ADAMTSL3: variants seen among roughly 807,000 people sequenced by gnomAD.
The protein encoded by ADAMTSL3 is ADAMTS like 3.
In ADAMTSL3, 128 loss-of-function variants were observed where a neutral mutation model predicts 201.7. The ratio of observed to expected loss-of-function variants is 0.63; its 90% CI spans 0.55 to 0.73. The LOEUF (loss-of-function observed/expected upper bound fraction) is 0.73. Among genes scored for constraint, ADAMTSL3 ranks in the 30% least tolerant of loss-of-function variants. ADAMTSL3 has a pLI of 0.00. For synonymous variants in ADAMTSL3, 738 were observed against 748.4 expected, an observed-to-expected ratio of 0.99 and a Z score of 0.23; for missense variants, 1,990 against 2,119.6, an observed-to-expected ratio of 0.94 and a Z score of 1.20.
chr15:83,773,681 T>G (rs1463559123), intron 4 of ADAMTSL3, 31 bp downstream of exon 4: 1 of 1,598,670 alleles, frequency 6.3e-7, no homozygotes, highest in Admixed American at 1.8e-5. Context: ...CTCCTGCATG[T>G]GGAATGTGCC....
chr15:83,672,119 T>C (rs1479552230), intron 2 of ADAMTSL3, among the ~76,000 whole-genome samples: 1 of 152,174 alleles, frequency 6.6e-6, no homozygotes, highest in African/African-American at 2.4e-5. Context: ...TTTTAAACCC[T>C]GTCACCCTTA....
intron 2 of ADAMTSL3, among the ~76,000 whole-genome samples, chr15:83,656,571 G>T (rs2061087129): frequency 6.6e-6 from 1 of 152,308 alleles, no homozygotes; most frequent in East Asian, 1.9e-4. Context: ...AGTTTTTAAA[G>T]TATTGAAAGG....
In ADAMTSL3 at chr15:83,850,850, G is replaced by A. The variant is rs182328470; in HGVS notation, c.728-7916G>A. On this transcript the variant is annotated intron_variant, in intron 7 of 29. Transcript: ENST00000286744. ...TTCTGGTCAGACCTAGAACTGGGCC[G>A]TCTCTTGCAGGACAGTGAAGAAATG... 9.8e-5 allele frequency among the ~76,000 whole-genome samples: 15 copies of A among 152,292 alleles called. No individual in the cohort carries two copies. The East Asian group carries it at 1.5e-3, about 16-fold the overall frequency.
chr15:83,969,001 CAG>C (rs1012989300), intron 19 of ADAMTSL3, among the ~76,000 whole-genome samples: 18 of 151,842 alleles, frequency 1.2e-4, no homozygotes, highest in African/African-American at 2.2e-4. Flanking sequence ...TGGGGCCTGT[CAG>C]GGGGTGGGGG....
At position 83,837,028 on chromosome 15, in the gene ADAMTSL3, AC is replaced by A. The variant is rs2064285840; in HGVS notation, c.601-1059del. 3.3e-5 allele frequency among the ~76,000 whole-genome samples: 5 copies of A among 152,158 alleles called. No homozygotes were observed. In the South Asian group the frequency reaches 1.0e-3, roughly 31 times the overall value. ...AAATAAAAAAGAAATATAAGACATGACCTTTTTTCTCATATAAGGAAGCTTA... is the reference window on the plus strand; with the variant it reads ...AAATAAAAAAGAAATATAAGACATGACTTTTTTCTCATATAAGGAAGCTTA... On this transcript the variant is annotated intron_variant, in intron 6 of 29. Coordinates refer to ENST00000286744, the MANE Select transcript of ADAMTSL3 (RefSeq NM_207517.3).
intron 19 of ADAMTSL3, among the ~76,000 whole-genome samples, chr15:83,951,649 C>T (rs893515689): frequency 4.6e-5 from 7 of 152,036 alleles, no homozygotes; most frequent in Admixed American, 2.0e-4. Flanking sequence ...TCAGGCTTTT[C>T]TTTACTGGGA....
intron 16 of ADAMTSL3, among the ~76,000 whole-genome samples, chr15:83,922,985 A>AT (rs963045116): frequency 5.9e-5 from 9 of 151,984 alleles, no homozygotes; most frequent in Admixed American, 2.0e-4. Context: ...TTTTCCAATA[A>AT]TTTTTTTTGT....
chr15:83,847,197 A>G (rs2064516349), intron 7 of ADAMTSL3, among the ~76,000 whole-genome samples: 1 of 152,228 alleles, frequency 6.6e-6, no homozygotes, highest in Non-Finnish European at 1.5e-5. Flanking sequence ...TCAACAAGGC[A>G]AAGCTCTGCT....
chr15:83,935,566 T>G (rs1249406830), intron 17 of ADAMTSL3, among the ~76,000 whole-genome samples: 1 of 151,794 alleles, frequency 6.6e-6, no homozygotes, highest in Non-Finnish European at 1.5e-5. Flanking sequence ...AAATACACAC[T>G]CAGATACATT....
intron 2 of ADAMTSL3, among the ~76,000 whole-genome samples, chr15:83,693,556 C>A (rs2061641099): frequency 6.6e-6 from 1 of 152,128 alleles, no homozygotes; most frequent in African/African-American, 2.4e-5. Context: ...ATGGCAAGAT[C>A]CAACTTGTCA....
At chr15:83,869,969 C>T in intron 8 of ADAMTSL3, among the ~76,000 whole-genome samples, 1 of 152,006 alleles carries the variant, frequency 6.6e-6, no homozygotes, top group Non-Finnish European at 1.5e-5. Context: ...GAAACCAGAT[C>T]TACTAAGTGT....
chr15:83,761,754 T>C (rs928077616), intron 3 of ADAMTSL3, among the ~76,000 whole-genome samples: 2 of 152,192 alleles, frequency 1.3e-5, no homozygotes. Context: ...TGTTTAAGAA[T>C]TTATTTTTAA....
At chr15:83,894,592 T>C (rs1327843559) in intron 13 of ADAMTSL3, among the ~76,000 whole-genome samples, 1 of 152,184 alleles carries the variant, frequency 6.6e-6, no homozygotes, top group African/African-American at 2.4e-5. Flanking sequence ...AGCATATTTC[T>C]CCCTTTGAAC....
intron 19 of ADAMTSL3, among the ~76,000 whole-genome samples, chr15:83,965,942 A>G (rs1390011451): frequency 6.6e-6 from 1 of 152,212 alleles, no homozygotes; most frequent in East Asian, 1.9e-4. Context: ...TACTGGGTGA[A>G]TAACAAAATT....
In ADAMTSL3 at chr15:83,851,942, A is replaced by T. The variant is rs575485033; in HGVS notation, c.728-6824A>T. 2.0e-5 allele frequency among the ~76,000 whole-genome samples: 3 copies of T among 152,328 alleles called. No homozygotes were observed. In the South Asian group the frequency reaches 6.2e-4, roughly 32 times the overall value. ...TCCACTTTTTAGAGGTCTAAACAGG[A>T]TGAATGGTTGCTTCTATTAAGATAT... On this transcript the variant is annotated intron_variant, in intron 7 of 29. Coordinates refer to ENST00000286744, the MANE Select transcript of ADAMTSL3 (RefSeq NM_207517.3).
chr15:83,769,791 T>TC (rs916050687), intron 3 of ADAMTSL3, among the ~76,000 whole-genome samples: 2 of 151,684 alleles, frequency 1.3e-5, no homozygotes, highest in African/African-American at 4.8e-5. Context: ...TTTTTCTTTT[T>TC]TTTTTTTTTT....
chr15:83,906,723 T>A (rs931397638), intron 15 of ADAMTSL3, among the ~76,000 whole-genome samples: 3 of 151,816 alleles, frequency 2.0e-5, no homozygotes, highest in African/African-American at 7.3e-5. Context: ...TTTTCCAAAA[T>A]TTTTCAGTTA....
intron 23 of ADAMTSL3, among the ~76,000 whole-genome samples, chr15:83,999,067 A>G (rs1262505630): frequency 6.6e-6 from 1 of 152,240 alleles, no homozygotes; most frequent in African/African-American, 2.4e-5. Context: ...AAGCATAGCA[A>G]AGTATCATGA....
chr15:83,762,565 A>T (rs1207108799), intron 3 of ADAMTSL3, among the ~76,000 whole-genome samples: 1 of 152,080 alleles, frequency 6.6e-6, no homozygotes, highest in Non-Finnish European at 1.5e-5. Flanking sequence ...GAGGGCACGA[A>T]CGCTATGTCC....
Sources: gnomAD v4.1 joint callset for allele counts (sites outside exome capture counted in the v4.1 genomes callset) on GRCh38, gnomAD v4.1.1 for gene constraint, MANE v1.5 for transcripts, NCBI Gene and HGNC (gene_info 2026-07-23, HGNC 2026-07-21) for gene names.